The following TTLL11 variants were observed in gnomAD, a reference collection of about 807,000 sequenced individuals.
TTLL11 encodes the protein tubulin polyglutamylase TTLL11.
Under a neutral mutation model 51.7 loss-of-function variants are expected in TTLL11, and 42 were observed. That is an observed-to-expected ratio of 0.81 (90% CI 0.64 to 1.05). TTLL11 has a LOEUF of 1.05. Among genes scored for constraint, TTLL11 ranks in the 50% least tolerant of loss-of-function variants. The pLI, the probability that TTLL11 is intolerant of heterozygous loss-of-function variation, is 0.00. For synonymous variants in TTLL11, 381 were observed against 383.5 expected, an observed-to-expected ratio of 0.99 and a Z score of 0.08; for missense variants, 799 against 940.4, an observed-to-expected ratio of 0.85 and a Z score of 1.97.
At chr9:121,841,886 G>T (rs1299106926) in intron 8 of TTLL11, among the ~76,000 whole-genome samples, 1 of 151,922 alleles carries the variant, frequency 6.6e-6, no homozygotes, top group Non-Finnish European at 1.5e-5. Context: ...GTCCCCCTGG[G>T]AGTTAAAATT....
intron 3 of TTLL11, among the ~76,000 whole-genome samples, chr9:121,994,289 C>T (rs4836873): frequency 0.42 from 63,394 of 151,894 alleles, 14,797 homozygotes; most frequent in African/African-American, 0.63. Flanking sequence ...ATAGTTCCGA[C>T]GGCTGGAGAA....
At chr9:121,860,670 G>A (rs1419253750) in intron 7 of TTLL11, among the ~76,000 whole-genome samples, 1 of 152,204 alleles carries the variant, frequency 6.6e-6, no homozygotes, top group Non-Finnish European at 1.5e-5. Flanking sequence ...AGAGACACTA[G>A]AGAGCCTGCC....
intron 8 of TTLL11, among the ~76,000 whole-genome samples, chr9:121,832,833 A>T (rs1427879445): frequency 1.3e-5 from 2 of 152,200 alleles, no homozygotes; most frequent in Non-Finnish European, 2.9e-5. Context: ...CCAGCTACTC[A>T]GGAAGCTTAG....
intron 2 of TTLL11, 84 bp from the exon 3 acceptor site, chr9:122,031,940 C>T (rs1275640222): frequency 6.6e-7 from 1 of 1,507,090 alleles, no homozygotes; most frequent in Non-Finnish European, 9.0e-7. Context: ...TTTAAAACCA[C>T]CCACCCGACA....
At chr9:121,830,734 G>A (rs1215162184) in intron 8 of TTLL11, among the ~76,000 whole-genome samples, 1 of 152,172 alleles carries the variant, frequency 6.6e-6, no homozygotes, top group Non-Finnish European at 1.5e-5. Flanking sequence ...CCATCTCCTA[G>A]GCCCTGCCCT....
At chr9:121,878,622 C>T (rs959926522) in intron 6 of TTLL11, among the ~76,000 whole-genome samples, 38 of 152,180 alleles carry the variant, frequency 2.5e-4, no homozygotes, top group African/African-American at 9.2e-4. Context: ...TCCCACAGAC[C>T]CAGAACTCAT....
Position 121,989,051 on chromosome 9 carries a change from G to A in TTLL11, c.1269+144C>T. ...CAGAAAGCTTGGAAGTTGGGCCCAG[G>A]TTTAACACCCAAGCCCACAGCACCA... On this transcript the variant is annotated intron_variant, in intron 4 of 8. Transcript: ENST00000321582. The surrounding 1 kb of genome is among the most constrained non-coding windows in gnomAD (Gnocchi z 4.2). 6.6e-7 allele frequency: 1 copy of A among 1,505,486 alleles called. No individual in the cohort carries two copies. Among genetic ancestry groups the A allele is most frequent in the South Asian group, 1.4e-5 (1 of 72,644 alleles). The allele number at this position is 1,505,486 out of a possible 1,614,324, so 93.3% of individuals were successfully genotyped here.
chr9:121,976,393 CT>C (rs1251536503), intron 4 of TTLL11, among the ~76,000 whole-genome samples: 2 of 152,322 alleles, frequency 1.3e-5, no homozygotes, highest in Middle Eastern at 3.4e-3. Flanking sequence ...ATCGCTGCCC[CT>C]AATGAGATTC....
chr9:121,828,034 G>A (rs1210842189), intron 8 of TTLL11, among the ~76,000 whole-genome samples: 1 of 152,148 alleles, frequency 6.6e-6, no homozygotes, highest in Non-Finnish European at 1.5e-5. Flanking sequence ...AACATATAAT[G>A]AGAGTCTTAG....
At chr9:122,076,612 A>G (rs1845866705) in intron 1 of TTLL11, among the ~76,000 whole-genome samples, 1 of 152,102 alleles carries the variant, frequency 6.6e-6, no homozygotes, top group Non-Finnish European at 1.5e-5. Context: ...TGTTCTGGGT[A>G]GTAGAGCCCC....
intron 6 of TTLL11, among the ~76,000 whole-genome samples, chr9:121,957,664 G>A (rs916367760): frequency 6.6e-6 from 1 of 152,160 alleles, no homozygotes; most frequent in Non-Finnish European, 1.5e-5. Context: ...TGGAGCCCAT[G>A]CCCTCCCTCC....
intron 3 of TTLL11, among the ~76,000 whole-genome samples, chr9:122,019,028 C>A (rs1309963246): frequency 2.0e-5 from 3 of 152,212 alleles, no homozygotes; most frequent in African/African-American, 7.2e-5. Context: ...TCTTGGGTTT[C>A]CCATCTTGGC....
intron 6 of TTLL11, among the ~76,000 whole-genome samples, chr9:121,913,834 C>A (rs573186240): frequency 2.0e-5 from 3 of 152,282 alleles, no homozygotes; most frequent in Non-Finnish European, 2.9e-5. Flanking sequence ...TCATGGTATT[C>A]CCTGGACAGG....
intron 1 of TTLL11, among the ~76,000 whole-genome samples, chr9:122,057,609 G>A (rs1338196688): frequency 2.0e-5 from 3 of 152,098 alleles, no homozygotes; most frequent in Admixed American, 6.5e-5. Flanking sequence ...TTACAGGTGT[G>A]AGCCACTACC....
intron 8 of TTLL11, among the ~76,000 whole-genome samples, chr9:121,836,451 C>A (rs1348767984): frequency 6.6e-6 from 1 of 152,170 alleles, no homozygotes; most frequent in African/African-American, 2.4e-5. Context: ...CACCACTGCC[C>A]CAGGAGGTCC....
At position 122,002,944 on chromosome 9, in the gene TTLL11, C is replaced by CAAAAAAAA. The variant is rs547408355; in HGVS notation, c.694-13182_694-13175dup. Among the ~76,000 whole-genome samples, 310 of 61,208 alleles carry CAAAAAAAA rather than the reference C, an allele frequency of 5.1e-3. 22 individuals carry two copies. Among genetic ancestry groups the CAAAAAAAA allele is most frequent in the African/African-American group, 0.024 (280 of 11,872 alleles). The allele number at this position is 61,208 out of a possible 152,430, so 40.2% of individuals were successfully genotyped here. On this transcript the variant is annotated intron_variant, in intron 3 of 8. Transcript: ENST00000321582. ...CTGGCAACAGAGTGAGACTCTGTCTCAAAAAAAAAAAAAAAAAAAAGAGAT... is the reference window on the plus strand; with the variant it reads ...CTGGCAACAGAGTGAGACTCTGTCTCAAAAAAAAAAAAAAAAAAAAAAAAAAAAGAGAT...
intron 8 of TTLL11, among the ~76,000 whole-genome samples, chr9:121,827,615 G>A (rs185104074): frequency 1.7e-3 from 261 of 152,304 alleles, no homozygotes; most frequent in African/African-American, 6.0e-3. Context: ...GGGACGCGGG[G>A]ATGCCCCAAA....
intron 1 of TTLL11, among the ~76,000 whole-genome samples, chr9:122,085,322 C>T (rs542291373): frequency 6.6e-6 from 1 of 152,256 alleles, no homozygotes; most frequent in South Asian, 2.1e-4. Context: ...GACTTTAAAA[C>T]ATTCAATTAG....
rs1187430260 is a variant in TTLL11, at chr9:122,059,469, A to G, written c.463-20101T>C. 3.3e-5 allele frequency among the ~76,000 whole-genome samples: 5 copies of G among 152,296 alleles called. No homozygotes were observed. In the East Asian group the frequency reaches 5.8e-4, roughly 18 times the overall value. On this transcript the variant is annotated intron_variant, in intron 1 of 8. Coordinates refer to ENST00000321582, the MANE Select transcript of TTLL11 (RefSeq NM_001139442.2). ...GTAACGTGCCTCAGTTTTCAACCTC[A>G]TAAGTGGCAGAGCCAGGAACAAACC...
Sources: allele counts gnomAD v4.1 joint callset (sites outside exome capture counted in the v4.1 genomes callset), GRCh38; gene constraint gnomAD v4.1.1; non-coding constraint Gnocchi (gnomAD v3.1); transcripts MANE v1.5; gene names NCBI Gene and HGNC (gene_info 2026-07-23, HGNC 2026-07-21).